The following PLXNA4 variants were observed in gnomAD, a reference collection of about 807,000 sequenced individuals.
PLXNA4 encodes plexin-A4.
In PLXNA4, 44 loss-of-function variants were observed where a neutral mutation model predicts 191.8. That is an observed-to-expected ratio of 0.23 (90% CI 0.18 to 0.29). PLXNA4 has a LOEUF of 0.29. PLXNA4 is among the 10% of genes least tolerant of loss of function. The pLI is 1.00. For missense variants in PLXNA4, 1,800 were observed against 2,488.8 expected (o/e 0.72, Z 5.89); for synonymous variants, 1,082 against 1,009.5 (o/e 1.07, Z -1.36).
At chr7:132,364,271 A>G (rs1233866196) in intron 3 of PLXNA4, among the ~76,000 whole-genome samples, 3 of 152,196 alleles carry the variant, frequency 2.0e-5, no homozygotes, top group Non-Finnish European at 4.4e-5. Flanking sequence ...ATATGGAGCA[A>G]ATGACAGGAT....
At chr7:132,564,754 G>A (rs373870904) in intron 1 of PLXNA4, among the ~76,000 whole-genome samples, 55 of 152,272 alleles carry the variant, frequency 3.6e-4, no homozygotes, top group South Asian at 4.1e-4. Context: ...TGTGCATGGC[G>A]CTTGGTGAAA....
intron 10 of PLXNA4, among the ~76,000 whole-genome samples, chr7:132,207,139 C>T (rs1040560086): frequency 1.3e-5 from 2 of 152,172 alleles, no homozygotes; most frequent in African/African-American, 4.8e-5. Context: ...CAACCTAATG[C>T]CACACAAGAA....
chr7:132,188,736 G>A (rs1432970924), intron 14 of PLXNA4, among the ~76,000 whole-genome samples: 1 of 151,986 alleles, frequency 6.6e-6, no homozygotes, highest in Admixed American at 6.6e-5. Context: ...GGTGGGGTGA[G>A]GCTGTGGAAA....
intron 3 of PLXNA4, among the ~76,000 whole-genome samples, chr7:132,430,603 A>G (rs1795222018): frequency 1.3e-5 from 2 of 152,236 alleles, no homozygotes. Context: ...CTAGCAAGGC[A>G]TGATGGTGTC....
At chr7:132,563,153 TCTC>T (rs1481587305) in intron 1 of PLXNA4, among the ~76,000 whole-genome samples, 17 of 43,992 alleles carry the variant, frequency 3.9e-4, no homozygotes, top group South Asian at 1.5e-3. Context: ...TCTTCCTCCT[TCTC>T]CTCCTCCTCC....
intron 4 of PLXNA4, among the ~76,000 whole-genome samples, chr7:132,280,901 T>C (rs879784806): frequency 1.3e-5 from 2 of 152,114 alleles, no homozygotes; most frequent in Non-Finnish European, 2.9e-5. Context: ...TCTTTGAGCA[T>C]GCACCTACAA....
chr7:132,505,549 C>T (rs546146534), intron 2 of PLXNA4, among the ~76,000 whole-genome samples: 2 of 152,278 alleles, frequency 1.3e-5, no homozygotes, highest in Admixed American at 1.3e-4. Context: ...TGTGCATGCT[C>T]GTGGGGAATT....
At chr7:132,627,290 T>G (rs1213106584) in intron 2 of PLXNA4, among the ~76,000 whole-genome samples, 1 of 152,216 alleles carries the variant, frequency 6.6e-6, no homozygotes, top group Admixed American at 6.5e-5. Flanking sequence ...CTTCCTATTA[T>G]GAAAGATGAA....
intron 15 of PLXNA4, among the ~76,000 whole-genome samples, chr7:132,186,837 G>T (rs1796894421): frequency 6.6e-6 from 1 of 152,068 alleles, no homozygotes; most frequent in Non-Finnish European, 1.5e-5. Flanking sequence ...CCCCCTCTTT[G>T]CCTGGGGACC....
At chr7:132,345,720 A>G (rs1803219288) in intron 3 of PLXNA4, among the ~76,000 whole-genome samples, 1 of 152,180 alleles carries the variant, frequency 6.6e-6, no homozygotes, top group Non-Finnish European at 1.5e-5. Flanking sequence ...TCTCACCCCA[A>G]GAGTAACTCT....
intron 4 of PLXNA4, among the ~76,000 whole-genome samples, chr7:132,266,707 G>A (rs184654665): frequency 3.3e-5 from 5 of 152,328 alleles, no homozygotes; most frequent in South Asian, 4.1e-4. Flanking sequence ...AACCAGCAAC[G>A]TGCTTACTGT....
At chr7:132,329,716 T>G (rs1265598918) in intron 3 of PLXNA4, among the ~76,000 whole-genome samples, 1 of 152,198 alleles carries the variant, frequency 6.6e-6, no homozygotes, top group Admixed American at 6.5e-5. Flanking sequence ...ACAAACGGGT[T>G]GACTCCTTGT....
chr7:132,128,347 C>CTT lies in PLXNA4; in HGVS notation c.*2130_*2131dup, dbSNP rs757555072. 6.6e-6 allele frequency: 1 copy of CTT among 152,206 alleles called. No individual in the cohort carries two copies. The highest frequency in any genetic ancestry group is 2.4e-5 in the African/African-American group (1 of 41,440). The allele number at this position is 152,206 out of a possible 1,614,324, so 9.4% of individuals were successfully genotyped here. On this transcript the variant is annotated 3_prime_UTR_variant, in exon 32 of 32. Coordinates refer to ENST00000321063, the MANE Select transcript of PLXNA4 (RefSeq NM_020911.2). ...CCTCTTCCCATTAGGTTGCTCATGTCTTTTCCACCATCTGTCCTCTGCGAT... is the reference window on the plus strand; with the variant it reads ...CCTCTTCCCATTAGGTTGCTCATGTCTTTTTTCCACCATCTGTCCTCTGCGAT...
intron 4 of PLXNA4, among the ~76,000 whole-genome samples, chr7:132,255,962 A>G (rs116644643): frequency 0.012 from 1,772 of 152,334 alleles, 31 homozygotes; most frequent in African/African-American, 0.04. Context: ...TGTGTTCTTT[A>G]TTTAATCAGG....
chr7:132,329,843 C>T (rs1246861400), intron 3 of PLXNA4, among the ~76,000 whole-genome samples: 3 of 152,130 alleles, frequency 2.0e-5, no homozygotes, highest in African/African-American at 7.2e-5. Context: ...TGACCTAGGC[C>T]TGGTCATTCT....
Position 132,188,995 on chromosome 7 carries a change from AG to A in PLXNA4, c.2857-1389del, listed in dbSNP as rs60282889. On this transcript the variant is annotated intron_variant, in intron 14 of 31. Coordinates refer to ENST00000321063, the MANE Select transcript of PLXNA4 (RefSeq NM_020911.2). ...AAAGGAAAGGAAAGGAAAGGAAAGG[AG>A]AGAGAGAGAGAGAGAGAGAGAGAGA... 1.6e-3 allele frequency among the ~76,000 whole-genome samples: 42 copies of A among 26,798 alleles called. 1 individual carries two copies. Among genetic ancestry groups the A allele is most frequent in the South Asian group, 2.5e-3 (1 of 394 alleles). 17.6% of individuals were successfully genotyped at this position (26,798 alleles called of 152,430 possible).
At chr7:132,254,737 A>C (rs1316570497) in intron 4 of PLXNA4, among the ~76,000 whole-genome samples, 1 of 152,102 alleles carries the variant, frequency 6.6e-6, no homozygotes, top group Non-Finnish European at 1.5e-5. Flanking sequence ...GTTGCTTTCC[A>C]TTAGGAAGTT....
intron 4 of PLXNA4, among the ~76,000 whole-genome samples, chr7:132,281,424 A>G (rs984127299): frequency 1.3e-5 from 2 of 152,104 alleles, no homozygotes; most frequent in Non-Finnish European, 2.9e-5. Context: ...GAATTTTTAT[A>G]TTTTTTAACA....
chr7:132,276,186 T>C (rs1800271259), intron 4 of PLXNA4, among the ~76,000 whole-genome samples: 1 of 152,188 alleles, frequency 6.6e-6, no homozygotes, highest in South Asian at 2.1e-4. Context: ...GCATAGCCTG[T>C]TTGGTCCACT....
Sources: gnomAD v4.1 joint callset for allele counts (sites outside exome capture counted in the v4.1 genomes callset) on GRCh38, gnomAD v4.1.1 for gene constraint, MANE v1.5 for transcripts, NCBI Gene and HGNC (gene_info 2026-07-23, HGNC 2026-07-21) for gene names.